The following BCLAF1 variants were observed in gnomAD, a reference collection of about 807,000 sequenced individuals.
The protein encoded by BCLAF1 is bcl-2-associated transcription factor 1.
In BCLAF1, 10 loss-of-function variants were observed where a neutral mutation model predicts 99.5. That is an observed-to-expected ratio of 0.10 (90% CI 0.06 to 0.17). The LOEUF (loss-of-function observed/expected upper bound fraction) is 0.17. Among genes scored for constraint, BCLAF1 ranks in the 10% least tolerant of loss-of-function variants. BCLAF1 has a pLI of 1.00. For synonymous variants in BCLAF1, 255 were observed against 370.9 expected (o/e 0.69, Z 3.59); for missense variants, 636 against 1,105.8 (o/e 0.58, Z 6.02).
chr6:136,257,337 C>A lies in BCLAF1; in HGVS notation c.*3773G>T. 6.6e-6 allele frequency: 1 copy of A among 152,156 alleles called. No homozygotes were observed. Among genetic ancestry groups the A allele is most frequent in the Non-Finnish European group, 1.5e-5 (1 of 67,980 alleles). The allele number at this position is 152,156 out of a possible 1,614,324, so 9.4% of individuals were successfully genotyped here. On this transcript the variant is annotated 3_prime_UTR_variant, in exon 13 of 13. Transcript: ENST00000531224. The stretch of plus-strand genomic sequence containing the variant: ...AATCAGTGAGATTCATTTTTAAAGG[C>A]CAAGGTATAGTCTAGTAACATAAAA...
rs1285533172 is a variant in BCLAF1, at chr6:136,268,323, G to C, written c.2236C>G (p.Gln746Glu). 8.7e-6 allele frequency: 14 copies of C among 1,602,944 alleles called. No homozygotes were observed. The highest frequency in any genetic ancestry group is 1.2e-5 in the Non-Finnish European group (14 of 1,176,146). The change falls in exon 10 of 13, where the codon CAA becomes GAA. Residue 746 changes from glutamine to glutamate, a missense_variant. Coordinates refer to ENST00000531224, the MANE Select transcript of BCLAF1 (RefSeq NM_014739.3). ...GAGGATGAAGATCGAGAATGATCTT[G>C]CTCTCTTTTATGTTTACTGCAAAAT... ...YKDDSKHKRE[Q>E]DHSRSSSSSA...
intron 3 of BCLAF1, 33 bp downstream of exon 3, chr6:136,279,726 TATAA>T: frequency 6.7e-7 from 1 of 1,492,590 alleles, no homozygotes. Flanking sequence ...TATTAACTGA[TATAA>T]TTATTTTAAA....
intron 6 of BCLAF1, 150 bp downstream of exon 6, chr6:136,275,382 C>T (rs1033952613): frequency 1.4e-6 from 1 of 690,874 alleles, no homozygotes; most frequent in Non-Finnish European, 2.1e-6. Context: ...ACTAGGGACT[C>T]TCTTCTATGA....
rs1051655089 is a variant in BCLAF1, at chr6:136,258,129, T to C, written c.*2981A>G. 1 of 152,080 alleles carries C rather than the reference T, an allele frequency of 6.6e-6. No homozygotes were observed. Among genetic ancestry groups the C allele is most frequent in the Non-Finnish European group, 1.5e-5 (1 of 67,938 alleles). The allele number at this position is 152,080 out of a possible 1,614,324, so 9.4% of individuals were successfully genotyped here. On this transcript the variant is annotated 3_prime_UTR_variant, in exon 13 of 13. Coordinates refer to ENST00000531224, the MANE Select transcript of BCLAF1 (RefSeq NM_014739.3). ...TTCTGTGAAAATGCTTTGTTAAAAC[T>C]GACAGGATGGCACATGGTAAGAATT...
At chr6:136,272,686 C>CA (rs756146036) in intron 7 of BCLAF1, among the ~76,000 whole-genome samples, 10 of 151,966 alleles carry the variant, frequency 6.6e-5, no homozygotes, top group Non-Finnish European at 1.3e-4. Context: ...AACGAAGAGA[C>CA]AAAGTCAGGA....
At chr6:136,261,198 G>A in intron 12 of BCLAF1, 67 bp downstream of exon 12, 1 of 1,567,420 alleles carries the variant, frequency 6.4e-7, no homozygotes, top group South Asian at 1.2e-5. Flanking sequence ...TCCTAAAAAT[G>A]AAATAATTCA....
At chr6:136,287,868 A>G (rs894782309) in intron 1 of BCLAF1, among the ~76,000 whole-genome samples, 1 of 152,130 alleles carries the variant, frequency 6.6e-6, no homozygotes, top group African/African-American at 2.4e-5. Context: ...TAAAAATACA[A>G]AAATTAGCCC....
At chr6:136,261,186 G>C (rs1780925760) in intron 12 of BCLAF1, 71 bp from the exon 13 acceptor site, 3 of 1,562,334 alleles carry the variant, frequency 1.9e-6, no homozygotes, top group South Asian at 1.2e-5. Context: ...ATTAATAATT[G>C]TTCCTAAAAA....
chr6:136,269,634 T>C (rs1782235220), intron 8 of BCLAF1, 22 bp from the exon 9 acceptor site: 2 of 1,551,746 alleles, frequency 1.3e-6, no homozygotes, highest in Non-Finnish European at 1.7e-6. Flanking sequence ...AGATATAAAA[T>C]ACAGATTTCA....
At chr6:136,275,505 T>G in intron 6 of BCLAF1, 27 bp downstream of exon 6, 1 of 1,460,566 alleles carries the variant, frequency 6.8e-7, no homozygotes, top group South Asian at 1.5e-5. Flanking sequence ...GAAATTTAAT[T>G]CACGATACTA....
chr6:136,277,818 A>G, intron 4 of BCLAF1, 47 bp downstream of exon 4: 3 of 1,545,798 alleles, frequency 1.9e-6, no homozygotes, highest in Non-Finnish European at 2.6e-6. Flanking sequence ...CAGAATTCAA[A>G]GAACAAAAAC....
chr6:136,287,659 A>G (rs1785331744), intron 1 of BCLAF1, among the ~76,000 whole-genome samples: 1 of 152,208 alleles, frequency 6.6e-6, no homozygotes, highest in African/African-American at 2.4e-5. Flanking sequence ...AGAACTGATA[A>G]AACTTTTCTC....
At chr6:136,263,636 ATCTTC>A (rs1479285900) in intron 11 of BCLAF1, among the ~76,000 whole-genome samples, 13 of 152,192 alleles carry the variant, frequency 8.5e-5, no homozygotes, top group African/African-American at 1.2e-4. Context: ...CTTCTGAATC[ATCTTC>A]TCTTCTCCAT....
At chr6:136,267,349 C>G (rs917751400) in intron 10 of BCLAF1, among the ~76,000 whole-genome samples, 174 bp from the exon 11 acceptor site, 2 of 151,920 alleles carry the variant, frequency 1.3e-5, no homozygotes, top group Non-Finnish European at 1.5e-5. Context: ...AAAATTTCTG[C>G]CAACTAAAAG....
At chr6:136,277,636 C>T (rs1309561506) in intron 4 of BCLAF1, among the ~76,000 whole-genome samples, 1 of 152,162 alleles carries the variant, frequency 6.6e-6, no homozygotes, top group Non-Finnish European at 1.5e-5. Context: ...AAGAGATCCT[C>T]CCGCCTCAGC....
intron 11 of BCLAF1, among the ~76,000 whole-genome samples, chr6:136,263,834 A>G (rs1415019902): frequency 1.3e-5 from 2 of 152,176 alleles, no homozygotes; most frequent in Non-Finnish European, 2.9e-5. Flanking sequence ...GTTCTAACTA[A>G]AACTAGTATC....
At chr6:136,270,293 G>A (rs1178646492) in intron 8 of BCLAF1, 3 of 151,778 alleles carry the variant, frequency 2.0e-5, no homozygotes, top group Non-Finnish European at 4.4e-5. Context: ...GTATTGCAAC[G>A]GACATTAGTT....
intron 8 of BCLAF1, chr6:136,270,194 G>A (rs1379275522): frequency 1.3e-5 from 2 of 151,708 alleles, no homozygotes; most frequent in African/African-American, 4.8e-5. Context: ...GAAACCAATT[G>A]GTTGAACAAG....
chr6:136,261,503 CAATGA>C (rs756009823), intron 11 of BCLAF1, 26 bp from the exon 12 acceptor site: 21 of 1,590,258 alleles, frequency 1.3e-5, no homozygotes, highest in Middle Eastern at 1.7e-4. Flanking sequence ...AAACAATTGT[CAATGA>C]AATGTTTCTT....
Sources: allele counts gnomAD v4.1 joint callset (sites outside exome capture counted in the v4.1 genomes callset), GRCh38; gene constraint gnomAD v4.1.1; transcripts MANE v1.5; gene names NCBI Gene and HGNC (gene_info 2026-07-23, HGNC 2026-07-21).